The following PTPRC variants were observed in gnomAD, a reference collection of about 807,000 sequenced individuals.
PTPRC encodes the protein receptor-type tyrosine-protein phosphatase C.
In PTPRC, 44 loss-of-function variants were observed where a neutral mutation model predicts 155.9. The ratio of observed to expected loss-of-function variants is 0.28; its 90% CI spans 0.22 to 0.36. The LOEUF is 0.36. Ranked by LOEUF, PTPRC falls within the 10% of genes least tolerant of loss-of-function variation. PTPRC has a pLI of 1.00. For synonymous variants in PTPRC, 525 were observed against 533.1 expected, an observed-to-expected ratio of 0.98 and a Z score of 0.21; for missense variants, 1,401 against 1,564.6, an observed-to-expected ratio of 0.90 and a Z score of 1.76.
At chr1:198,696,338 A>C (rs1666203772) in intron 3 of PTPRC, among the ~76,000 whole-genome samples, 1 of 151,516 alleles carries the variant, frequency 6.6e-6, no homozygotes, top group Non-Finnish European at 1.5e-5. Context: ...TTTTTTAATC[A>C]TCTTTACCAT....
intron 11 of PTPRC, 71 bp downstream of exon 11, chr1:198,709,895 A>G (rs1231231510): frequency 1.3e-6 from 2 of 1,564,882 alleles, no homozygotes; most frequent in Admixed American, 3.5e-5. Flanking sequence ...TTTGAGAATC[A>G]TAGGAAATGA....
Position 198,749,418 on chromosome 1 carries a change from G to A in PTPRC, c.2941G>A (p.Asp981Asn). 1 of 1,607,896 alleles carries A rather than the reference G, an allele frequency of 6.2e-7. No individual in the cohort carries two copies. The highest frequency in any genetic ancestry group is 8.5e-7 in the Non-Finnish European group (1 of 1,175,614). The change falls in exon 28 of 33, where the codon GAC (aspartate) becomes AAC (asparagine). Residue 981 changes from aspartate to asparagine, a missense_variant and splice_region_variant. Asp to Asn is a conservative substitution (Grantham distance 23). Around this residue, in one of 3 missense-constraint regions of PTPRC, gnomAD observed 400 missense variants for 389.5 expected, o/e 1.03. Coordinates refer to ENST00000442510, the MANE Select transcript of PTPRC (RefSeq NM_002838.5). The stretch of plus-strand genomic sequence containing the variant: ...TACTACTGATTTATTTCACATAGAT[G>A]ACTATAACAGAGTGCCACTTAAACA... Reference protein sequence around the residue: ...KNRNSNVIPYDYNRVPLKHEL... With the variant: ...KNRNSNVIPYNYNRVPLKHEL...
At chr1:198,687,849 G>A (rs1665717104) in intron 2 of PTPRC, among the ~76,000 whole-genome samples, 1 of 151,972 alleles carries the variant, frequency 6.6e-6, no homozygotes, top group African/African-American at 2.4e-5. Flanking sequence ...AAATTTTAAA[G>A]TAGTTTTTAA....
At chr1:198,671,249 C>T (rs188022170) in intron 2 of PTPRC, among the ~76,000 whole-genome samples, 1 of 152,048 alleles carries the variant, frequency 6.6e-6, no homozygotes, top group Non-Finnish European at 1.5e-5. Flanking sequence ...TCACCCCCCT[C>T]ACCCCCCTGT....
chr1:198,713,404 C>G (rs1338270359), intron 12 of PTPRC, among the ~76,000 whole-genome samples: 2 of 152,124 alleles, frequency 1.3e-5, no homozygotes, highest in Non-Finnish European at 1.5e-5. Context: ...ACTTTGAACT[C>G]ATCATTCAGC....
chr1:198,695,559 TA>T (rs1307282319), intron 3 of PTPRC, among the ~76,000 whole-genome samples: 11 of 151,968 alleles, frequency 7.2e-5, no homozygotes, highest in Non-Finnish European at 4.4e-5. Flanking sequence ...AAAAGAGCAT[TA>T]AAAAAACTTT....
At chr1:198,748,085 T>C in intron 26 of PTPRC, 24 bp from the exon 27 acceptor site, 1 of 1,571,706 alleles carries the variant, frequency 6.4e-7, no homozygotes, top group Non-Finnish European at 8.6e-7. Flanking sequence ...AAAGGAGTTT[T>C]TCTGTTTTTT....
chr1:198,743,819 C>A (rs540814134), intron 25 of PTPRC, among the ~76,000 whole-genome samples: 1 of 151,874 alleles, frequency 6.6e-6, no homozygotes, highest in South Asian at 2.1e-4. Context: ...CATGGATAAT[C>A]TATTTGCAAA....
At chr1:198,717,209 A>AT (rs1303098479) in intron 13 of PTPRC, among the ~76,000 whole-genome samples, 1 of 152,252 alleles carries the variant, frequency 6.6e-6, no homozygotes, top group Non-Finnish European at 1.5e-5. Flanking sequence ...CTCATAAAGC[A>AT]TTAGCCTACT....
At chr1:198,701,466 C>G (rs1230062064) in intron 5 of PTPRC, among the ~76,000 whole-genome samples, 1 of 152,128 alleles carries the variant, frequency 6.6e-6, no homozygotes, top group African/African-American at 2.4e-5. Flanking sequence ...GAATAGAGGG[C>G]AGCTCATATT....
In PTPRC at chr1:198,728,419, A is replaced by T; in HGVS notation, c.1800A>T (p.Lys600Asn). The change falls in exon 16 of 33, where the codon AAA (lysine) becomes AAT (asparagine). Residue 600 changes from lysine to asparagine, a missense_variant. Coordinates refer to ENST00000442510, the MANE Select transcript of PTPRC (RefSeq NM_002838.5). The stretch of plus-strand genomic sequence containing the variant: ...TAGCCCTGCTTGTTGTTCTCTACAA[A>T]ATCTATGATCTACATAAGAAAAGAT... ...TSIALLVVLY[K>N]IYDLHKKRSC... The T allele has an allele frequency of 6.2e-7, 1 of 1,612,872 alleles. No individual in the cohort carries two copies. Among genetic ancestry groups the T allele is most frequent in the Non-Finnish European group, 8.5e-7 (1 of 1,179,434 alleles).
At chr1:198,694,280 C>T (rs551430382) in intron 3 of PTPRC, 18 of 706,158 alleles carry the variant, frequency 2.5e-5, no homozygotes, top group South Asian at 9.1e-5. Context: ...TTTTTCTAGC[C>T]GTGCTGGCAG....
At chr1:198,683,650 C>CCAGTGCACAGATTTAGTAG (rs995433048) in intron 2 of PTPRC, among the ~76,000 whole-genome samples, 2 of 152,054 alleles carry the variant, frequency 1.3e-5, no homozygotes, top group African/African-American at 4.8e-5. Flanking sequence ...GCACAGATCA[C>CCAGTGCACAGATTTAGTAG]GTTACCCCAC....
intron 2 of PTPRC, among the ~76,000 whole-genome samples, chr1:198,659,218 G>T (rs1055815565): frequency 6.6e-6 from 1 of 152,106 alleles, no homozygotes; most frequent in African/African-American, 2.4e-5. Context: ...TTCATGTTTT[G>T]ATTTCTGCCT....
chr1:198,660,903 G>A (rs1663926857), intron 2 of PTPRC, among the ~76,000 whole-genome samples: 1 of 151,968 alleles, frequency 6.6e-6, no homozygotes, highest in Admixed American at 6.6e-5. Flanking sequence ...TTTCACACCA[G>A]GCTTATGAGA....
intron 14 of PTPRC, among the ~76,000 whole-genome samples, chr1:198,721,845 AT>A (rs948371429): frequency 6.6e-6 from 1 of 151,148 alleles, no homozygotes; most frequent in African/African-American, 2.4e-5. Context: ...TTTTACTTAA[AT>A]TTTTTTGGTC....
intron 2 of PTPRC, among the ~76,000 whole-genome samples, chr1:198,655,659 GT>G (rs1260347646): frequency 6.6e-6 from 1 of 151,994 alleles, no homozygotes; most frequent in Non-Finnish European, 1.5e-5. Flanking sequence ...GCTTAGACTA[GT>G]TTCTGAATCT....
At chr1:198,701,573 A>G (rs533240492) in intron 5 of PTPRC, among the ~76,000 whole-genome samples, 1 of 152,316 alleles carries the variant, frequency 6.6e-6, no homozygotes, top group African/African-American at 2.4e-5. Context: ...TCTGGATGTG[A>G]TGTTGGGCAA....
At chr1:198,755,773 A>C (rs1260213773) in intron 32 of PTPRC, 133 bp from the exon 33 acceptor site, 15 of 950,390 alleles carry the variant, frequency 1.6e-5, no homozygotes, top group Non-Finnish European at 2.1e-5. Context: ...TTTTATGAGA[A>C]CATATCAAAA....
Sources: gnomAD v4.1 joint callset for allele counts (sites outside exome capture counted in the v4.1 genomes callset) on GRCh38, gnomAD v4.1.1 for gene constraint, gnomAD v4.1.1 regional missense constraint, MANE v1.5 for transcripts, NCBI Gene and HGNC (gene_info 2026-07-23, HGNC 2026-07-21) for gene names.